Variants in CNTN4 observed in about 807,000 individuals in gnomAD.
CNTN4 encodes contactin-4.
CNTN4 carries 77 observed loss-of-function variants against 122.5 expected under a neutral mutation model. That is an observed-to-expected ratio of 0.63 (90% CI 0.52 to 0.76). The LOEUF is 0.76. CNTN4 is among the 30% of genes least tolerant of loss of function. The pLI, the probability that CNTN4 is intolerant of heterozygous loss-of-function variation, is 0.00. For missense variants in CNTN4, 1,256 were observed against 1,259.1 expected (o/e 1.00, Z 0.04); for synonymous variants, 512 against 447.0 (o/e 1.15, Z -1.83).
chr3:2,628,208 C>A (rs901917039), intron 4 of CNTN4, among the ~76,000 whole-genome samples: 11 of 152,140 alleles, frequency 7.2e-5, no homozygotes, highest in Non-Finnish European at 1.6e-4. Context: ...TGATCGGTAC[C>A]CCTTTTAGCA....
At chr3:2,898,551 T>C (rs910287161) in intron 10 of CNTN4, among the ~76,000 whole-genome samples, 7 of 152,226 alleles carry the variant, frequency 4.6e-5, no homozygotes, top group Non-Finnish European at 1.0e-4. Context: ...CACCTGCTTC[T>C]TGAGATTGCA....
chr3:2,601,043 G>T (rs2081021000), intron 4 of CNTN4, among the ~76,000 whole-genome samples: 1 of 152,044 alleles, frequency 6.6e-6, no homozygotes, highest in Non-Finnish European at 1.5e-5. Flanking sequence ...CTTTTTGATG[G>T]GGTTGTTGTA....
At chr3:2,639,808 T>G (rs1375128703) in intron 4 of CNTN4, among the ~76,000 whole-genome samples, 1 of 152,242 alleles carries the variant, frequency 6.6e-6, no homozygotes, top group African/African-American at 2.4e-5. Flanking sequence ...TCTCACCAGC[T>G]ATCTGGCCTT....
At chr3:2,790,059 A>G (rs994316015) in intron 6 of CNTN4, among the ~76,000 whole-genome samples, 1 of 152,100 alleles carries the variant, frequency 6.6e-6, no homozygotes, top group South Asian at 2.1e-4. Context: ...ACGTTACACA[A>G]TTTACAAGCA....
At chr3:2,558,500 T>C (rs1309115519) in intron 3 of CNTN4, among the ~76,000 whole-genome samples, 3 of 152,194 alleles carry the variant, frequency 2.0e-5, no homozygotes, top group Non-Finnish European at 4.4e-5. Flanking sequence ...ATGTCATGCA[T>C]TGTTGGCAAA....
At chr3:2,829,818 A>G (rs1229534117) in intron 7 of CNTN4, among the ~76,000 whole-genome samples, 1 of 152,214 alleles carries the variant, frequency 6.6e-6, no homozygotes, top group Non-Finnish European at 1.5e-5. Context: ...TTCTTAAAGT[A>G]ACCTTGTAGA....
At chr3:2,778,222 A>AATC in intron 6 of CNTN4, among the ~76,000 whole-genome samples, 2 of 118,456 alleles carry the variant, frequency 1.7e-5, no homozygotes, top group Non-Finnish European at 3.5e-5. Context: ...TCAAATAAAT[A>AATC]AATAAATAAA....
At chr3:2,401,664 A>T (rs1018432942) in intron 3 of CNTN4, among the ~76,000 whole-genome samples, 1 of 152,148 alleles carries the variant, frequency 6.6e-6, no homozygotes, top group Non-Finnish European at 1.5e-5. Flanking sequence ...GAATTATTTC[A>T]TTCTTATTAG....
chr3:2,884,922 A>G (rs1384530232), intron 9 of CNTN4, among the ~76,000 whole-genome samples: 1 of 152,248 alleles, frequency 6.6e-6, no homozygotes, highest in Non-Finnish European at 1.5e-5. Context: ...TGCCCACTTA[A>G]GAGCAGGAAG....
intron 3 of CNTN4, among the ~76,000 whole-genome samples, chr3:2,421,415 C>T (rs540107941): frequency 6.6e-6 from 1 of 152,064 alleles, no homozygotes; most frequent in Admixed American, 6.6e-5. Context: ...CCATGCCCAG[C>T]TAATTTTTGT....
intron 7 of CNTN4, among the ~76,000 whole-genome samples, chr3:2,863,309 C>T (rs182852931): frequency 6.6e-6 from 1 of 152,300 alleles, no homozygotes; most frequent in Admixed American, 6.5e-5. Flanking sequence ...CTCACCAGTA[C>T]ACCAGCCAAG....
intron 12 of CNTN4, among the ~76,000 whole-genome samples, chr3:2,916,847 G>A (rs1406131589): frequency 2.0e-5 from 3 of 150,976 alleles, no homozygotes; most frequent in Non-Finnish European, 4.4e-5. Flanking sequence ...CCCAGACGGG[G>A]CAGCCAGGCA....
At chr3:3,054,114 G>A (rs931699579) in intron 24 of CNTN4, 139 bp downstream of exon 24, 4 of 911,572 alleles carry the variant, frequency 4.4e-6, no homozygotes, top group South Asian at 1.5e-5. Flanking sequence ...CCCTTCTCCA[G>A]ATGTTTGCTG....
intron 3 of CNTN4, among the ~76,000 whole-genome samples, chr3:2,516,632 A>T (rs987611579): frequency 6.6e-6 from 1 of 152,088 alleles, no homozygotes; most frequent in Non-Finnish European, 1.5e-5. Flanking sequence ...CTCTATTCCA[A>T]AGTAAGAAGG....
intron 3 of CNTN4, among the ~76,000 whole-genome samples, chr3:2,444,163 A>G (rs2048535648): frequency 6.6e-6 from 1 of 151,910 alleles, no homozygotes; most frequent in Non-Finnish European, 1.5e-5. Flanking sequence ...ACTTCAATGA[A>G]TATAAATGGA....
At chr3:2,161,872 T>G (rs1352946030) in intron 2 of CNTN4, among the ~76,000 whole-genome samples, 1 of 152,212 alleles carries the variant, frequency 6.6e-6, no homozygotes, top group Non-Finnish European at 1.5e-5. Context: ...AGTAATCAGA[T>G]AAACTACTTA....
intron 2 of CNTN4, among the ~76,000 whole-genome samples, chr3:2,232,545 C>T (rs180932815): frequency 2.6e-5 from 4 of 152,072 alleles, no homozygotes; most frequent in Non-Finnish European, 2.9e-5. Flanking sequence ...TGACCAATAA[C>T]AGGCTGTCTA....
intron 2 of CNTN4, among the ~76,000 whole-genome samples, chr3:2,331,871 C>T (rs547556435): frequency 1.7e-4 from 26 of 152,268 alleles, no homozygotes; most frequent in Admixed American, 9.2e-4. Context: ...TGTAGTTTTC[C>T]TGCCCAGTCC....
At chr3:2,206,174 G>A (rs2038333939) in intron 2 of CNTN4, among the ~76,000 whole-genome samples, 2 of 152,032 alleles carry the variant, frequency 1.3e-5, no homozygotes, top group African/African-American at 4.8e-5. Flanking sequence ...GAGGTAAAAC[G>A]AGGAAGAGAA....
Sources: gnomAD v4.1 joint callset for allele counts (sites outside exome capture counted in the v4.1 genomes callset) on GRCh38, gnomAD v4.1.1 for gene constraint, MANE v1.5 for transcripts, NCBI Gene and HGNC (gene_info 2026-07-23, HGNC 2026-07-21) for gene names.